Variants in MAD1L1 observed in about 807,000 individuals in gnomAD.
MAD1L1 encodes the protein mitotic spindle assembly checkpoint protein MAD1.
In MAD1L1, 95 loss-of-function variants were observed where a neutral mutation model predicts 96.9. That is an observed-to-expected ratio of 0.98 (90% CI 0.83 to 1.16). The LOEUF is 1.16. Among genes scored for constraint, MAD1L1 ranks in the 50% most tolerant of loss-of-function variants. MAD1L1 has a pLI of 0.00. For synonymous variants in MAD1L1, 473 were observed against 396.6 expected, an observed-to-expected ratio of 1.19 and a Z score of -2.29; for missense variants, 1,007 against 954.4, an observed-to-expected ratio of 1.06 and a Z score of -0.73.
intron 18 of MAD1L1, among the ~76,000 whole-genome samples, chr7:1,820,486 G>A (rs1337712164): frequency 3.0e-5 from 3 of 100,490 alleles, no homozygotes; most frequent in Admixed American, 1.8e-4. Flanking sequence ...CAATAAGGCC[G>A]GCCAGGAGCA....
chr7:1,933,159 T>C (rs1789578187), intron 17 of MAD1L1, among the ~76,000 whole-genome samples: 1 of 152,200 alleles, frequency 6.6e-6, no homozygotes, highest in Admixed American at 6.5e-5. Context: ...TCGTTTCCTG[T>C]CCTTTCCCTT....
At chr7:1,888,512 G>C (rs944585881) in intron 18 of MAD1L1, among the ~76,000 whole-genome samples, 15 of 148,302 alleles carry the variant, frequency 1.0e-4, no homozygotes, top group South Asian at 2.2e-4. Flanking sequence ...GCCTGTTCGT[G>C]TGTGTGCATG....
intron 18 of MAD1L1, among the ~76,000 whole-genome samples, chr7:1,875,458 G>A (rs967665624): frequency 9.8e-5 from 15 of 152,308 alleles, no homozygotes; most frequent in Admixed American, 2.0e-4. Flanking sequence ...GGGCGGGTCT[G>A]CAGCAGGAAG....
At chr7:2,036,459 G>A (rs945432036) in intron 12 of MAD1L1, among the ~76,000 whole-genome samples, 1 of 152,240 alleles carries the variant, frequency 6.6e-6, no homozygotes, top group Non-Finnish European at 1.5e-5. Context: ...TTGGCTCAGA[G>A]TCCTCTCTGG....
rs1789453478 is a variant in MAD1L1 at position 2,149,221 on chromosome 7, G to C, written c.1004C>G (p.Ser335Cys). ...GLSIRTPEDL[S>C]RFVVELQQRE... Reference sequence around the variant, plus strand: ...CTGCTGCAGCTCAACCACGAATCTGGAAAGGTCTTCTGGAGTCCTGCAGGA... The same window carrying C: ...CTGCTGCAGCTCAACCACGAATCTGCAAAGGTCTTCTGGAGTCCTGCAGGA... The change falls in exon 11 of 19, where the codon TCC (serine) becomes TGC (cysteine). Residue 335 changes from serine to cysteine, a missense_variant. By Grantham distance (112) the Ser-to-Cys change is moderately radical. Transcript: ENST00000265854. 4 of 1,613,982 alleles carry C rather than the reference G, an allele frequency of 2.5e-6. No individual in the cohort carries two copies. The highest frequency in any genetic ancestry group is 2.5e-6 in the Non-Finnish European group (3 of 1,179,970).
intron 18 of MAD1L1, among the ~76,000 whole-genome samples, chr7:1,863,657 G>GCTGCC (rs1252478139): frequency 1.3e-5 from 2 of 152,326 alleles, no homozygotes; most frequent in South Asian, 2.1e-4. Flanking sequence ...TGTGTTCTCA[G>GCTGCC]CTGCCCTGCC....
intron 11 of MAD1L1, among the ~76,000 whole-genome samples, chr7:2,129,778 A>C (rs894919027): frequency 1.3e-5 from 2 of 152,216 alleles, no homozygotes; most frequent in African/African-American, 4.8e-5. Flanking sequence ...TCTGCACCCC[A>C]GGCTCGAGCC....
chr7:2,115,488 G>A (rs560521387), intron 11 of MAD1L1, among the ~76,000 whole-genome samples: 15 of 144,884 alleles, frequency 1.0e-4, no homozygotes, highest in African/African-American at 2.8e-4. Flanking sequence ...GGGTCCCCAC[G>A]TGTTCCGGGG....
rs756134237 is a variant in MAD1L1, at chr7:1,936,744, C to T, written c.1750G>A (p.Val584Ile). The change falls in exon 17 of 19, where the codon GTC (valine) becomes ATC (isoleucine). Residue 584 changes from valine (V) to isoleucine (I), a missense_variant. Coordinates refer to ENST00000265854, the MANE Select transcript of MAD1L1 (RefSeq NM_001013836.2). ...LLRAMERGGT[V>I]PADLEAAAAS... is the part of the protein sequence containing the mutation. ...GCGGCAGCCTCAAGGTCGGCTGGGA[C>T]GGTGCCTCCTCTCTCCATGGCGCGC... 103 of 1,566,022 alleles carry T rather than the reference C, an allele frequency of 6.6e-5. No homozygotes were observed. The highest frequency in any genetic ancestry group is 2.8e-4 in the South Asian group (24 of 85,362).
chr7:2,195,862 G>A (rs1470249728), intron 10 of MAD1L1, among the ~76,000 whole-genome samples: 7 of 152,248 alleles, frequency 4.6e-5, no homozygotes, highest in African/African-American at 1.4e-4. Context: ...GCCAAAGTTC[G>A]GCTGGGAGCC....
intron 18 of MAD1L1, among the ~76,000 whole-genome samples, chr7:1,857,912 C>A (rs1784337141): frequency 6.6e-6 from 1 of 152,232 alleles, no homozygotes. Context: ...CACCCCGGCC[C>A]TGCAGAACCT....
chr7:2,094,020 C>T (rs754791466), intron 11 of MAD1L1, among the ~76,000 whole-genome samples: 4 of 152,218 alleles, frequency 2.6e-5, no homozygotes, highest in Admixed American at 6.5e-5. Flanking sequence ...CGGGCGCAGA[C>T]GGTCGTCTGT....
intron 17 of MAD1L1, among the ~76,000 whole-genome samples, chr7:1,903,983 G>T (rs530202350): frequency 8.0e-6 from 1 of 125,090 alleles, no homozygotes; most frequent in Non-Finnish European, 1.8e-5. Flanking sequence ...GATTGATGAA[G>T]CACTGTTCCA....
At chr7:1,965,768 C>T (rs944801124) in intron 15 of MAD1L1, among the ~76,000 whole-genome samples, 8 of 152,266 alleles carry the variant, frequency 5.3e-5, no homozygotes, top group Non-Finnish European at 1.0e-4. Flanking sequence ...ACTCTAGCTG[C>T]GTTTTCCTCC....
intron 15 of MAD1L1, among the ~76,000 whole-genome samples, chr7:1,958,163 C>A (rs1020676666): frequency 6.6e-6 from 1 of 152,112 alleles, no homozygotes; most frequent in African/African-American, 2.4e-5. Context: ...ACTTCTACTG[C>A]GGGGTGTGGA....
At chr7:2,204,161 G>A (rs1042803055) in intron 10 of MAD1L1, among the ~76,000 whole-genome samples, 3 of 152,202 alleles carry the variant, frequency 2.0e-5, no homozygotes, top group Non-Finnish European at 2.9e-5. Context: ...GCACGCAGCC[G>A]TGGCCGTAGG....
chr7:2,058,867 G>A (rs1378476139), intron 12 of MAD1L1, among the ~76,000 whole-genome samples: 25 of 78,120 alleles, frequency 3.2e-4, no homozygotes, highest in Admixed American at 6.8e-4. Flanking sequence ...CCAGAGGAGA[G>A]GAGAGGCGCG....
rs527863740 is a variant in MAD1L1 at position 2,042,226 on chromosome 7, C to T, written c.1218+26968G>A. ...ACAGACACGCACACAGACGTGCACA[C>T]ACAAGCGCATGCGCACACGTACACA... On this transcript the variant is annotated intron_variant, in intron 12 of 18. Coordinates refer to ENST00000265854, the MANE Select transcript of MAD1L1 (RefSeq NM_001013836.2). Among the ~76,000 whole-genome samples, 45 of 67,968 alleles carry T rather than the reference C, an allele frequency of 6.6e-4. 1 individual carries two copies. The South Asian group carries it at 9.2e-3, about 14-fold the overall frequency. 44.6% of individuals were successfully genotyped at this position (67,968 alleles called of 152,430 possible).
chr7:2,180,665 T>C (rs964607213), intron 10 of MAD1L1, among the ~76,000 whole-genome samples: 5 of 152,212 alleles, frequency 3.3e-5, no homozygotes, highest in South Asian at 4.1e-4. Context: ...GGGATAATAA[T>C]TGTTGTCAGA....
Sources: allele counts gnomAD v4.1 joint callset (sites outside exome capture counted in the v4.1 genomes callset), GRCh38; gene constraint gnomAD v4.1.1; transcripts MANE v1.5; gene names NCBI Gene and HGNC (gene_info 2026-07-23, HGNC 2026-07-21).